Variants in NRF1 observed in about 807,000 individuals in gnomAD.
NRF1 encodes alpha palindromic-binding protein.
A neutral mutation model predicts 58.5 loss-of-function variants in NRF1; 5 were observed. The ratio of observed to expected loss-of-function variants is 0.09; its 90% CI spans 0.04 to 0.18. The LOEUF (loss-of-function observed/expected upper bound fraction) is 0.18, where lower values mean the gene tolerates loss of function less well. NRF1 is among the 10% of genes least tolerant of loss of function. The probability of loss-of-function intolerance (pLI) is 1.00; values close to 1 mark genes in which losing one functional copy is unlikely to be tolerated. For missense variants in NRF1, 288 were observed against 657.7 expected, an observed-to-expected ratio of 0.44 and a Z score of 6.15; for synonymous variants, 224 against 246.7, an observed-to-expected ratio of 0.91 and a Z score of 0.86.
intron 5 of NRF1, among the ~76,000 whole-genome samples, chr7:129,701,301 G>A (rs895697051): frequency 2.6e-5 from 4 of 151,942 alleles, no homozygotes; most frequent in African/African-American, 9.7e-5. Context: ...GCCAAAATAA[G>A]AAAACTTGAT....
intron 1 of NRF1, among the ~76,000 whole-genome samples, chr7:129,620,283 TC>T (rs2151055775): frequency 6.6e-6 from 1 of 152,248 alleles, no homozygotes; most frequent in South Asian, 2.1e-4. Flanking sequence ...TTTTGTCAAG[TC>T]TCTGGATTGC....
chr7:129,642,146 T>A (rs1303118058), intron 1 of NRF1, among the ~76,000 whole-genome samples: 2 of 150,698 alleles, frequency 1.3e-5, no homozygotes, highest in Non-Finnish European at 3.0e-5. Flanking sequence ...GCCCAGCTAA[T>A]TTTTTGTATT....
chr7:129,670,200 A>T (rs976576102), intron 2 of NRF1, among the ~76,000 whole-genome samples: 1 of 152,186 alleles, frequency 6.6e-6, no homozygotes, highest in Non-Finnish European at 1.5e-5. Context: ...ACAGATGGGG[A>T]GTTGCTCTTC....
chr7:129,666,790 C>T (rs991163826), intron 2 of NRF1, among the ~76,000 whole-genome samples: 1 of 152,178 alleles, frequency 6.6e-6, no homozygotes, highest in African/African-American at 2.4e-5. Context: ...CCCAGCCTCC[C>T]AAAGTGTTGG....
At chr7:129,676,398 C>A (rs1440633344) in intron 3 of NRF1, among the ~76,000 whole-genome samples, 1 of 152,144 alleles carries the variant, frequency 6.6e-6, no homozygotes, top group Non-Finnish European at 1.5e-5. Flanking sequence ...GGGAGATGTG[C>A]GACTCTTCCT....
At chr7:129,653,015 A>G (rs1358595118) in intron 1 of NRF1, among the ~76,000 whole-genome samples, 1 of 152,212 alleles carries the variant, frequency 6.6e-6, no homozygotes, top group East Asian at 1.9e-4. Context: ...TAGTTCAGTA[A>G]TGTTAAGTAC....
chr7:129,627,378 T>C (rs76464500), intron 1 of NRF1, among the ~76,000 whole-genome samples: 1 of 150,996 alleles, frequency 6.6e-6, no homozygotes, highest in Non-Finnish European at 1.5e-5. Context: ...TGCTTGGCCA[T>C]TTTTTTTTCT....
intron 5 of NRF1, 128 bp from the exon 6 acceptor site, chr7:129,708,947 G>A (rs1803010668): frequency 1.4e-6 from 1 of 734,280 alleles, no homozygotes; most frequent in Admixed American, 3.1e-5. Context: ...GTTTTCATCA[G>A]TCACATCTTA....
At chr7:129,674,403 A>T (rs530302028) in intron 3 of NRF1, among the ~76,000 whole-genome samples, 1 of 52,558 alleles carries the variant, frequency 1.9e-5, no homozygotes, top group East Asian at 1.4e-3. Flanking sequence ...TATTATATCT[A>T]AAAAAAAAAA....
At chr7:129,744,230 G>A in intron 10 of NRF1, 2 of 1,549,200 alleles carry the variant, frequency 1.3e-6, no homozygotes, top group Non-Finnish European at 1.7e-6. Context: ...AAAGCCACAG[G>A]TGGGTTCATC....
intron 1 of NRF1, among the ~76,000 whole-genome samples, chr7:129,625,903 T>C (rs775587863): frequency 7.2e-5 from 11 of 152,032 alleles, no homozygotes; most frequent in Non-Finnish European, 7.4e-5. Flanking sequence ...AGGATGGTCT[T>C]GATTTTCCGA....
intron 5 of NRF1, among the ~76,000 whole-genome samples, chr7:129,700,950 G>C (rs117737022): frequency 6.6e-6 from 1 of 152,002 alleles, no homozygotes; most frequent in African/African-American, 2.4e-5. Context: ...GAATATATAC[G>C]TAACAAATAA....
intron 1 of NRF1, among the ~76,000 whole-genome samples, chr7:129,643,586 T>G (rs1801341543): frequency 6.6e-6 from 1 of 152,208 alleles, no homozygotes; most frequent in African/African-American, 2.4e-5. Flanking sequence ...AACTTCCTAT[T>G]CACCATCTTT....
intron 2 of NRF1, among the ~76,000 whole-genome samples, chr7:129,661,474 T>A (rs1337074831): frequency 6.6e-6 from 1 of 151,074 alleles, no homozygotes; most frequent in African/African-American, 2.5e-5. Context: ...TTGAATGCTT[T>A]GCTGCTTAGA....
chr7:129,654,701 ATTGAAAAGAC>A (rs1801612556), intron 1 of NRF1, among the ~76,000 whole-genome samples: 1 of 152,206 alleles, frequency 6.6e-6, no homozygotes, highest in South Asian at 2.1e-4. Context: ...AGCACCATTC[ATTGAAAAGAC>A]TAACTTTGCC....
At chr7:129,624,288 CATATTGCTTGAT>C (rs1800868017) in intron 1 of NRF1, among the ~76,000 whole-genome samples, 1 of 152,092 alleles carries the variant, frequency 6.6e-6, no homozygotes, top group Non-Finnish European at 1.5e-5. Flanking sequence ...CATTTGTTTG[CATATTGCTTGAT>C]ATATGTCTGT....
At chr7:129,698,347 T>G (rs1584651906) in intron 5 of NRF1, among the ~76,000 whole-genome samples, 1 of 102,238 alleles carries the variant, frequency 9.8e-6, no homozygotes, top group Non-Finnish European at 1.9e-5. Flanking sequence ...GGGTGGGGGG[T>G]GGGTCTGCAC....
intron 10 of NRF1, among the ~76,000 whole-genome samples, chr7:129,740,681 C>T (rs150235867): frequency 3.5e-4 from 53 of 152,372 alleles, no homozygotes; most frequent in African/African-American, 1.3e-3. Context: ...AAGACCAGCA[C>T]TGCCTCATGA....
chr7:129,619,396 G>GTGTATATA (rs1491323365), intron 1 of NRF1, among the ~76,000 whole-genome samples: 1 of 47,358 alleles, frequency 2.1e-5, no homozygotes, highest in African/African-American at 1.1e-4. Flanking sequence ...TGGCATACGT[G>GTGTATATA]TATATATATA....
Sources: allele counts gnomAD v4.1 joint callset (sites outside exome capture counted in the v4.1 genomes callset), GRCh38; gene constraint gnomAD v4.1.1; transcripts MANE v1.5; gene names NCBI Gene and HGNC (gene_info 2026-07-23, HGNC 2026-07-21).